Variants in DCBLD2 observed in about 807,000 individuals in gnomAD.
DCBLD2 encodes discoidin, CUB and LCCL domain containing 2, also known as discoidin, CUB and LCCL domain-containing protein 2.
A neutral mutation model predicts 86.8 loss-of-function variants in DCBLD2; 54 were observed. That is an observed-to-expected ratio of 0.62 (90% confidence interval 0.50 to 0.78). The LOEUF is 0.78. Ranked by LOEUF, DCBLD2 falls within the 30% of genes least tolerant of loss-of-function variation. The probability of loss-of-function intolerance (pLI) is 0.00; values close to 1 mark genes in which losing one functional copy is unlikely to be tolerated. For missense variants in DCBLD2, 908 were observed against 954.2 expected, an observed-to-expected ratio of 0.95 and a Z score of 0.64; for synonymous variants, 354 against 341.3, an observed-to-expected ratio of 1.04 and a Z score of -0.41.
chr3:98,811,602 A>T lies in DCBLD2; in HGVS notation c.1364-48T>A, dbSNP rs372260184. ...TTTAAACATTTTGTTTTTAAAAATC[A>T]TAATTAAAAATAGTAATGCTAAATG... On this transcript the variant is annotated intron_variant, in intron 10 of 15. Coordinates refer to ENST00000326840, the MANE Select transcript of DCBLD2 (RefSeq NM_080927.4). 438 of 1,476,014 alleles carry T rather than the reference A, an allele frequency of 3.0e-4. 1 individual carries two copies. Among genetic ancestry groups the T allele is most frequent in the Middle Eastern group, 2.2e-3 (12 of 5,488 alleles). 91.4% of individuals were successfully genotyped at this position (1,476,014 alleles called of 1,614,324 possible). A position where few individuals can be genotyped will look rare whatever the true frequency, so the allele number is the denominator to read the frequency against.
Position 98,822,215 on chromosome 3 carries a change from C to CAT in DCBLD2, c.830+11_830+12dup, listed in dbSNP as rs3841575. ...TATATAGCATATATTTTTTAAATTG[C>CAT]ATATATACTTACACCACAGATGTGA... On this transcript the variant is annotated intron_variant, in intron 6 of 15. Transcript: ENST00000326840. 3.1e-6 allele frequency: 5 copies of CAT among 1,612,962 alleles called. No homozygotes were observed. The East Asian group carries it at 1.1e-4, about 36-fold the overall frequency.
At chr3:98,840,495 G>T (rs2439227) in intron 3 of DCBLD2, among the ~76,000 whole-genome samples, 4 of 152,188 alleles carry the variant, frequency 2.6e-5, no homozygotes, top group Non-Finnish European at 4.4e-5. Context: ...TTCAAAGTAC[G>T]GGGCAGTATA....
intron 3 of DCBLD2, among the ~76,000 whole-genome samples, chr3:98,836,611 C>CGCCT (rs1942456333): frequency 6.9e-6 from 1 of 144,846 alleles, no homozygotes; most frequent in Non-Finnish European, 1.5e-5. Flanking sequence ...CTGTTGGGCA[C>CGCCT]ACCTCCCAGA....
At chr3:98,816,772 ATT>A (rs1484469325) in intron 9 of DCBLD2, among the ~76,000 whole-genome samples, 5 of 152,084 alleles carry the variant, frequency 3.3e-5, no homozygotes, top group Admixed American at 3.3e-4. Flanking sequence ...AAATGTCATC[ATT>A]GTTTCAGTTC....
intron 2 of DCBLD2, among the ~76,000 whole-genome samples, chr3:98,870,741 G>GAAAGAAAGAAAGAAAGAAAAAA (rs1553731632): frequency 8.4e-5 from 4 of 47,400 alleles, no homozygotes; most frequent in African/African-American, 2.4e-4. Flanking sequence ...GAAAGAAAAA[G>GAAAGAAAGAAAGAAAGAAAAAA]AAAGAAAGAA....
chr3:98,817,480 C>T (rs926454299), intron 9 of DCBLD2, among the ~76,000 whole-genome samples: 2 of 152,146 alleles, frequency 1.3e-5, no homozygotes, highest in Admixed American at 6.5e-5. Flanking sequence ...TAAGAAATTA[C>T]AAGGTCCCTT....
At chr3:98,820,759 T>C (rs893279829) in intron 6 of DCBLD2, 2 of 8,144 alleles carry the variant, frequency 2.5e-4, no homozygotes, top group Non-Finnish European at 6.3e-3. Context: ...TACTAATAGA[T>C]TTCTTTTTCT....
intron 3 of DCBLD2, 119 bp from the exon 4 acceptor site, chr3:98,825,485 T>C: frequency 1.4e-6 from 1 of 726,244 alleles, no homozygotes; most frequent in Non-Finnish European, 2.2e-6. Flanking sequence ...TCAATGGCAC[T>C]GTCAAAGTGG....
chr3:98,891,990 C>T (rs1428461366), intron 1 of DCBLD2, among the ~76,000 whole-genome samples: 1 of 152,118 alleles, frequency 6.6e-6, no homozygotes, highest in Admixed American at 6.6e-5. Flanking sequence ...ATTCTACTCA[C>T]CTTTATAAGC....
At chr3:98,810,464 C>T (rs1295182317) in intron 12 of DCBLD2, among the ~76,000 whole-genome samples, 1 of 152,176 alleles carries the variant, frequency 6.6e-6, no homozygotes, top group Non-Finnish European at 1.5e-5. Context: ...TTTGGATGAA[C>T]GGCTTTCTCT....
rs189956534 is a variant in DCBLD2 at position 98,826,967 on chromosome 3, A to G, written c.572-1601T>C. Among the ~76,000 whole-genome samples the G allele has an allele frequency of 9.2e-5, 14 of 152,322 alleles. No homozygotes were observed. In the East Asian group the frequency reaches 1.2e-3, roughly 13 times the overall value. ...TGGTTACCACAGCAAGCATATGATA[A>G]TCGATCATTTTATTCCATAATTCTG... is the stretch of plus-strand genomic sequence containing the variant. On this transcript the variant is annotated intron_variant, in intron 3 of 15. Transcript: ENST00000326840.
At chr3:98,859,691 C>G (rs534290577) in intron 2 of DCBLD2, among the ~76,000 whole-genome samples, 1 of 152,306 alleles carries the variant, frequency 6.6e-6, no homozygotes, top group East Asian at 1.9e-4. Context: ...AATTAACAAA[C>G]AGAAAGGACA....
intron 1 of DCBLD2, among the ~76,000 whole-genome samples, chr3:98,898,323 T>C (rs367641836): frequency 4.6e-5 from 7 of 151,192 alleles, no homozygotes; most frequent in African/African-American, 1.7e-4. Flanking sequence ...GGAATGAAGG[T>C]AATATATTCT....
rs1475320471 is a variant in DCBLD2 at position 98,881,691 on chromosome 3, G to C, written c.282C>G (p.Pro94=). 6.2e-7 allele frequency: 1 copy of C among 1,613,880 alleles called. No individual in the cohort carries two copies. The highest frequency in any genetic ancestry group is 1.7e-5 in the Admixed American group (1 of 60,018). ...LTSINYPQTY[P]NSTVCEWEIR... ...TCTCCCATTCACAAACAGTGCTGTT[G>C]GGATAGGTCTGTGGGTAGTTTATGG... Residue 94 remains proline, a synonymous_variant, in exon 2 of 16, where the codon CCC becomes CCG. Transcript: ENST00000326840.
intron 2 of DCBLD2, among the ~76,000 whole-genome samples, chr3:98,861,968 T>C (rs1433952447): frequency 6.6e-6 from 1 of 152,128 alleles, no homozygotes; most frequent in Non-Finnish European, 1.5e-5. Context: ...ACAAAATTGA[T>C]AGATTGCTAG....
intron 2 of DCBLD2, among the ~76,000 whole-genome samples, chr3:98,879,281 A>C (rs1943420443): frequency 6.6e-6 from 1 of 152,202 alleles, no homozygotes; most frequent in South Asian, 2.1e-4. Context: ...TGAACTTGAG[A>C]ATGTCTCTAA....
chr3:98,864,853 TA>T (rs1418327291), intron 2 of DCBLD2, among the ~76,000 whole-genome samples: 3 of 151,342 alleles, frequency 2.0e-5, no homozygotes, highest in African/African-American at 7.3e-5. Context: ...TAAATAATAA[TA>T]AAAAAAGAAA....
At chr3:98,811,814 T>C (rs1218503262) in intron 10 of DCBLD2, among the ~76,000 whole-genome samples, 2 of 152,168 alleles carry the variant, frequency 1.3e-5, no homozygotes, top group South Asian at 2.1e-4. Flanking sequence ...GAAAGTGATG[T>C]TGAATGCTAA....
chr3:98,868,568 T>C (rs1019936876), intron 2 of DCBLD2, among the ~76,000 whole-genome samples: 1 of 152,174 alleles, frequency 6.6e-6, no homozygotes, highest in Non-Finnish European at 1.5e-5. Flanking sequence ...ACCCAAATAG[T>C]GTACAGTGTA....
Sources: allele counts gnomAD v4.1 joint callset (sites outside exome capture counted in the v4.1 genomes callset), GRCh38; gene constraint gnomAD v4.1.1; transcripts MANE v1.5; gene names NCBI Gene and HGNC (gene_info 2026-07-23, HGNC 2026-07-21).